Variants in PKLR observed in about 807,000 individuals in gnomAD.
The protein encoded by PKLR is pyruvate kinase L/R.
Under a neutral mutation model 53.6 loss-of-function variants are expected in PKLR, and 38 were observed. The ratio of observed to expected loss-of-function variants is 0.71; its 90% confidence interval spans 0.55 to 0.93. The LOEUF (loss-of-function observed/expected upper bound fraction) is 0.93, where lower values mean the gene tolerates loss of function less well. PKLR is among the 40% of genes least tolerant of loss of function. The pLI is 0.00. For missense variants in PKLR, 702 were observed against 787.3 expected, an observed-to-expected ratio of 0.89 and a Z score of 1.30; for synonymous variants, 328 against 316.2, an observed-to-expected ratio of 1.04 and a Z score of -0.39.
rs745461639 is a variant in PKLR at position 155,293,475 on chromosome 1, C to T, written c.1232G>A (p.Gly411Asp). The stretch of plus-strand genomic sequence containing the variant: ...CTTCACCGCTTCCACAGGGAAGTTG[C>T]CCTTGGCAGTCTCCCCTGACAGCAT... ...CIMLSGETAK[G>D]NFPVEAVKMQ... The change falls in exon 8 of 11, where the codon GGC becomes GAC. Residue 411 changes from glycine (G) to aspartate (D), a missense_variant. Coordinates refer to ENST00000342741, the MANE Select transcript of PKLR (RefSeq NM_000298.6). This position sits in a 1 kb window ranked among gnomAD's most constrained non-coding sequence, Gnocchi z 4.2. The T allele has an allele frequency of 1.9e-6, 3 of 1,614,230 alleles. No individual in the cohort carries two copies. The highest frequency in any genetic ancestry group is 1.1e-5 in the South Asian group (1 of 91,082).
At chr1:155,308,615 A>T in the PKLR span, 1 of 985,476 alleles carries the variant, frequency 1.0e-6, no homozygotes, top group Non-Finnish European at 1.2e-6. Flanking sequence ...CCAAAGCCAC[A>T]GCGGGGACGT....
chr1:155,299,223 G>A (rs181620620), intron 2 of PKLR, among the ~76,000 whole-genome samples: 9 of 136,548 alleles, frequency 6.6e-5, no homozygotes, highest in Admixed American at 3.3e-4. Context: ...CTAGGGTCTC[G>A]TCTGTCACCT....
At chr1:155,308,560 A>G in the PKLR span, 41 of 985,336 alleles carry the variant, frequency 4.2e-5, no homozygotes, top group Non-Finnish European at 4.8e-5. Context: ...TAACGTGCCA[A>G]TCAGCTGCCC....
intron 7 of PKLR, 73 bp downstream of exon 7, chr1:155,294,162 T>C (rs1647401177): frequency 1.3e-6 from 2 of 1,495,454 alleles, no homozygotes; most frequent in African/African-American, 2.8e-5. Context: ...AATAAACCCC[T>C]ACAGTGTGGG....
At chr1:155,291,040 TAAA>T (rs869261529) in intron 10 of PKLR, among the ~76,000 whole-genome samples, 32 of 119,970 alleles carry the variant, frequency 2.7e-4, no homozygotes, top group Non-Finnish European at 3.6e-4. Flanking sequence ...ATAATAATAA[TAAA>T]AGAAGAAAAG....
In PKLR at chr1:155,295,678, T is replaced by C; in HGVS notation, c.362A>G (p.His121Arg). The change falls in exon 3 of 11, where the codon CAC (histidine) becomes CGC (arginine). Residue 121 changes from histidine (H) to arginine (R), a missense_variant. By Grantham distance (29) the His-to-Arg change is conservative. This residue lies in a region of PKLR where 519 missense variants were observed against 537.1 expected (regional missense o/e 0.97). Transcript: ENST00000342741. The surrounding 1 kb of genome is among the most constrained non-coding windows in gnomAD (Gnocchi z 4.3). Reference sequence around the variant, plus strand: ...CCCGTCCCGCACCTCGTGGGAGCCGTGGGAGAAGTTGAGTCGCGCAATGTT... The same window carrying C: ...CCCGTCCCGCACCTCGTGGGAGCCGCGGGAGAAGTTGAGTCGCGCAATGTT... The part of the protein sequence containing the change: ...GMNIARLNFS[H>R]GSHEYHAESI... 6.2e-7 allele frequency: 1 copy of C among 1,614,100 alleles called. No homozygotes were observed. The highest frequency in any genetic ancestry group is 8.5e-7 in the Non-Finnish European group (1 of 1,179,988).
At chr1:155,296,309 C>T (rs950707807) in intron 2 of PKLR, among the ~76,000 whole-genome samples, 4 of 152,038 alleles carry the variant, frequency 2.6e-5, no homozygotes, top group African/African-American at 9.7e-5. Context: ...ATTCTGTGGT[C>T]CTCTGTGACA....
At chr1:155,307,696 C>T in the PKLR span, among the ~76,000 whole-genome samples, 1 of 152,122 alleles carries the variant, frequency 6.6e-6, no homozygotes. Context: ...TAAATAACTG[C>T]CTGGGCCAAG....
chr1:155,294,833 C>T, intron 5 of PKLR, 81 bp from the exon 6 acceptor site: 1 of 1,538,524 alleles, frequency 6.5e-7, no homozygotes, highest in Non-Finnish European at 8.9e-7. Context: ...GGGGCTTGGA[C>T]CCGCAAGAGG....
intron 2 of PKLR, among the ~76,000 whole-genome samples, chr1:155,296,044 G>A (rs1244381289): frequency 6.6e-6 from 1 of 152,170 alleles, no homozygotes; most frequent in East Asian, 1.9e-4. Context: ...GGGTATGTAA[G>A]TGCTGCTTGC....
upstream of PKLR, among the ~76,000 whole-genome samples, chr1:155,306,232 C>G (rs112101135): frequency 3.3e-5 from 5 of 152,394 alleles, 1 homozygote; most frequent in African/African-American, 1.2e-4. The surrounding 1 kb of genome is among the most constrained non-coding windows in gnomAD (Gnocchi z 4.2). Context: ...CATCCAAACA[C>G]AACACTCAGC....
intron 2 of PKLR, among the ~76,000 whole-genome samples, 168 bp downstream of exon 2, chr1:155,299,930 G>A (rs2148218381): frequency 6.6e-6 from 1 of 152,050 alleles, no homozygotes. Flanking sequence ...TTTTTTCACT[G>A]ATCTACTCCC....
chr1:155,307,630 T>G, the PKLR span, among the ~76,000 whole-genome samples: 1 of 152,196 alleles, frequency 6.6e-6, no homozygotes, highest in Non-Finnish European at 1.5e-5. Context: ...GTTAACTGTA[T>G]ATGGTCTACA....
upstream of PKLR, among the ~76,000 whole-genome samples, chr1:155,301,917 CA>C (rs1376563356): frequency 2.6e-5 from 4 of 151,172 alleles, no homozygotes; most frequent in Non-Finnish European, 5.9e-5. Context: ...GTACCTTGAA[CA>C]TTCTCAGACA....
At chr1:155,303,688 C>T (rs565250064), upstream of PKLR, among the ~76,000 whole-genome samples, 11 of 152,162 alleles carry the variant, frequency 7.2e-5, no homozygotes, top group African/African-American at 2.2e-4. Flanking sequence ...TGCAGTGGCA[C>T]GATCTCAGCT....
intron 5 of PKLR, 136 bp downstream of exon 5, chr1:155,294,979 TG>T: frequency 2.7e-6 from 3 of 1,093,858 alleles, no homozygotes; most frequent in Non-Finnish European, 4.1e-6. Flanking sequence ...GTCTACACGC[TG>T]GGGACTCCTG....
chr1:155,300,410 C>A, intron 1 of PKLR, 130 bp from the exon 2 acceptor site: 1 of 717,596 alleles, frequency 1.4e-6, no homozygotes, highest in Non-Finnish European at 2.4e-6. Context: ...TTTATTATGT[C>A]ACAAGGATCC....
At position 155,295,670 on chromosome 1, in the gene PKLR, G is replaced by GGGAGCC; in HGVS notation, c.364_369dup (p.Gly122_Ser123dup). ...CCCGGCGGCCCGTCCCGCACCTCGT[G>GGGAGCC]GGAGCCGTGGGAGAAGTTGAGTCGC... is the stretch of plus-strand genomic sequence containing the variant. On this transcript the variant is annotated inframe_insertion, in exon 3 of 11. Coordinates refer to ENST00000342741, the MANE Select transcript of PKLR (RefSeq NM_000298.6). The surrounding 1 kb of genome is among the most constrained non-coding windows in gnomAD (Gnocchi z 4.3). The GGGAGCC allele has an allele frequency of 6.2e-7, 1 of 1,614,102 alleles. No homozygotes were observed. The highest frequency in any genetic ancestry group is 1.7e-5 in the Admixed American group (1 of 60,034).
At chr1:155,301,618 T>C (rs763212758), upstream of PKLR, among the ~76,000 whole-genome samples, 1 of 152,180 alleles carries the variant, frequency 6.6e-6, no homozygotes, top group Non-Finnish European at 1.5e-5. Context: ...CCATTCATAC[T>C]ATCTGGTCAT....
Sources: allele counts gnomAD v4.1 joint callset (sites outside exome capture counted in the v4.1 genomes callset), GRCh38; gene constraint gnomAD v4.1.1; regional missense constraint gnomAD v4.1.1; non-coding constraint Gnocchi (gnomAD v3.1); transcripts MANE v1.5; gene names NCBI Gene and HGNC (gene_info 2026-07-23, HGNC 2026-07-21).